The following ZNF431 variants were observed in gnomAD, a reference collection of about 807,000 sequenced individuals.
The protein encoded by ZNF431 is zinc finger protein 431.
ZNF431 carries 34 observed loss-of-function variants against 57.0 expected under a neutral mutation model. The ratio of observed to expected loss-of-function variants is 0.60; its 90% CI spans 0.45 to 0.79. The LOEUF is 0.79. ZNF431 is among the 30% of genes least tolerant of loss of function. The probability of loss-of-function intolerance (pLI) is 0.00; values close to 1 mark genes in which losing one functional copy is unlikely to be tolerated. For synonymous variants in ZNF431, 207 were observed against 220.3 expected, an observed-to-expected ratio of 0.94 and a Z score of 0.54; for missense variants, 607 against 667.1, an observed-to-expected ratio of 0.91 and a Z score of 0.99.
At chr19:21,167,741 T>G in intron 4 of ZNF431, 75 bp downstream of exon 4, 1 of 993,774 alleles carries the variant, frequency 1.0e-6, no homozygotes, top group Non-Finnish European at 1.4e-6. Context: ...GTGCCAGTCC[T>G]TACAATGTGT....
intron 2 of ZNF431, among the ~76,000 whole-genome samples, chr19:21,163,011 CAG>C (rs1970618878): frequency 6.6e-6 from 1 of 151,948 alleles, no homozygotes; most frequent in African/African-American, 2.4e-5. Context: ...TTAAAAATGA[CAG>C]AGAAACAGAT....
At chr19:21,175,202 A>T (rs1971016755) in intron 4 of ZNF431, among the ~76,000 whole-genome samples, 1 of 152,158 alleles carries the variant, frequency 6.6e-6, no homozygotes, top group African/African-American at 2.4e-5. Flanking sequence ...AATGTTTGCC[A>T]TCCCAAACCG....
intron 2 of ZNF431, among the ~76,000 whole-genome samples, chr19:21,164,152 G>A (rs1448238073): frequency 1.3e-5 from 2 of 151,944 alleles, no homozygotes; most frequent in Admixed American, 1.3e-4. Context: ...TGTTCTGGGT[G>A]GAAGCATCCA....
chr19:21,161,424 A>G (rs562230362), intron 2 of ZNF431, among the ~76,000 whole-genome samples: 3 of 152,312 alleles, frequency 2.0e-5, no homozygotes, highest in Admixed American at 2.0e-4. Flanking sequence ...TGCTAAGAAT[A>G]CATATATATC....
chr19:21,180,092 G>A (rs138179238), intron 4 of ZNF431, among the ~76,000 whole-genome samples: 35 of 152,154 alleles, frequency 2.3e-4, no homozygotes, highest in Middle Eastern at 3.4e-3. Flanking sequence ...TCACTATGTT[G>A]GTCAGGCTGG....
At chr19:21,149,093 C>G (rs1970191788) in intron 2 of ZNF431, among the ~76,000 whole-genome samples, 1 of 152,162 alleles carries the variant, frequency 6.6e-6, no homozygotes, top group Admixed American at 6.5e-5. Context: ...TTTTAAATAA[C>G]CAGTCATTTT....
In ZNF431 at chr19:21,189,797, C is replaced by T. The variant is rs1971467593; in HGVS notation, c.*5763C>T. ...TAATCTTTCTGTGCCTTGCTTATCC[C>T]AACTAATACAATGTCCTCCAACTTC... On this transcript the variant is annotated 3_prime_UTR_variant, in exon 5 of 5. Coordinates refer to ENST00000311048, the MANE Select transcript of ZNF431 (RefSeq NM_133473.4). The T allele has an allele frequency of 2.5e-6, 1 of 396,636 alleles. No homozygotes were observed. The highest frequency in any genetic ancestry group is 4.4e-6 in the Non-Finnish European group (1 of 225,394). 24.6% of individuals were successfully genotyped at this position (396,636 alleles called of 1,614,324 possible). A position where few individuals can be genotyped will look rare whatever the true frequency, so the allele number is the denominator to read the frequency against.
At chr19:21,160,965 C>G (rs1283034192) in intron 2 of ZNF431, among the ~76,000 whole-genome samples, 2 of 152,080 alleles carry the variant, frequency 1.3e-5, no homozygotes, top group Non-Finnish European at 2.9e-5. Flanking sequence ...GTCAAAACAT[C>G]AAGACTATCC....
chr19:21,146,018 C>A (rs1398970425), intron 2 of ZNF431, among the ~76,000 whole-genome samples: 1 of 152,060 alleles, frequency 6.6e-6, no homozygotes, highest in Admixed American at 6.5e-5. Context: ...TTTATTTAGA[C>A]CACTGAAGAC....
intron 2 of ZNF431, 42 bp from the exon 3 acceptor site, chr19:21,166,293 A>C: frequency 6.3e-7 from 1 of 1,592,402 alleles, no homozygotes; most frequent in Non-Finnish European, 8.5e-7. Context: ...GCCCATGGCC[A>C]CTTGGTAAAT....
chr19:21,147,034 G>A (rs184510943), intron 2 of ZNF431, among the ~76,000 whole-genome samples: 25 of 152,266 alleles, frequency 1.6e-4, no homozygotes, highest in African/African-American at 4.8e-4. Flanking sequence ...CATTTTATGT[G>A]AAGTCAAAAA....
At position 21,172,619 on chromosome 19, in the gene ZNF431, A is replaced by G. The variant is rs1249221385; in HGVS notation, c.319+4953A>G. Among the ~76,000 whole-genome samples the G allele has an allele frequency of 1.3e-5, 2 of 152,030 alleles. 1 individual carries two copies. The highest frequency in any genetic ancestry group is 1.3e-4 in the Admixed American group (2 of 15,226). On this transcript the variant is annotated intron_variant, in intron 4 of 4. Transcript: ENST00000311048. ...AGTTTGAGACTAGCCTGGGCAACAT[A>G]TGGAGATTTCCTCTCTATAAAAATT...
rs542605657 is a variant in ZNF431, at chr19:21,170,661, T to C, written c.319+2995T>C. ...TCTTTCTTTTCTTTTCTTTTCTTTT[T>C]TTTTTCTTTTCTTTTCTTTTCTTTC... is the stretch of plus-strand genomic sequence containing the variant. On this transcript the variant is annotated intron_variant, in intron 4 of 4. Coordinates refer to ENST00000311048, the MANE Select transcript of ZNF431 (RefSeq NM_133473.4). Among the ~76,000 whole-genome samples the C allele has an allele frequency of 7.2e-5, 11 of 151,870 alleles. No homozygotes were observed. In the East Asian group the frequency reaches 1.9e-3, roughly 27 times the overall value.
rs1014348842 is a variant in ZNF431 at position 21,192,828 on chromosome 19, T to C, written c.*8794T>C. On this transcript the variant is annotated 3_prime_UTR_variant, in exon 5 of 5. Coordinates refer to ENST00000311048, the MANE Select transcript of ZNF431 (RefSeq NM_133473.4). Reference sequence around the variant, plus strand: ...GTCAAATTCTGTCAAACTTCTATTGTGCATCCATTTTTTTCTCTTTGCACT... The same window carrying C: ...GTCAAATTCTGTCAAACTTCTATTGCGCATCCATTTTTTTCTCTTTGCACT... 10 of 152,220 alleles carry C rather than the reference T, an allele frequency of 6.6e-5. No homozygotes were observed. The highest frequency in any genetic ancestry group is 1.0e-4 in the Non-Finnish European group (7 of 68,034). 9.4% of individuals were successfully genotyped at this position (152,220 alleles called of 1,614,324 possible). A position where few individuals can be genotyped will look rare whatever the true frequency, so the allele number is the denominator to read the frequency against.
At chr19:21,168,352 C>T (rs1247750750) in intron 4 of ZNF431, among the ~76,000 whole-genome samples, 1 of 151,568 alleles carries the variant, frequency 6.6e-6, no homozygotes, top group Non-Finnish European at 1.5e-5. Flanking sequence ...TAACAATATT[C>T]TTTCAATCCA....
At chr19:21,158,269 C>T (rs1323558668) in intron 2 of ZNF431, among the ~76,000 whole-genome samples, 1 of 152,088 alleles carries the variant, frequency 6.6e-6, no homozygotes, top group Non-Finnish European at 1.5e-5. Flanking sequence ...GCGATCTCAG[C>T]TTACTGCAAC....
intron 4 of ZNF431, among the ~76,000 whole-genome samples, chr19:21,180,686 C>A (rs932600962): frequency 2.0e-5 from 3 of 152,134 alleles, no homozygotes; most frequent in Non-Finnish European, 2.9e-5. Flanking sequence ...TCGTGGCTCA[C>A]ACCTATATTC....
chr19:21,173,098 TATTTG>T (rs1012164775), intron 4 of ZNF431, among the ~76,000 whole-genome samples: 58 of 152,368 alleles, frequency 3.8e-4, no homozygotes, highest in African/African-American at 1.4e-3. Context: ...TCTTTGATAA[TATTTG>T]ATTTAATTAT....
chr19:21,143,438 T>G, intron 1 of ZNF431, 113 bp from the exon 2 acceptor site: 1 of 836,014 alleles, frequency 1.2e-6, no homozygotes, highest in South Asian at 1.5e-5. Flanking sequence ...CCTTTTAGTT[T>G]TTTTCTGGTC....
Sources: allele counts gnomAD v4.1 joint callset (sites outside exome capture counted in the v4.1 genomes callset), GRCh38; gene constraint gnomAD v4.1.1; transcripts MANE v1.5; gene names NCBI Gene and HGNC (gene_info 2026-07-23, HGNC 2026-07-21).